SLC9A4: variants seen among roughly 807,000 people sequenced by gnomAD.
SLC9A4 encodes sodium/hydrogen exchanger 4.
A neutral mutation model predicts 67.4 loss-of-function variants in SLC9A4; 63 were observed. The observed-to-expected ratio is 0.93, with a 90% CI of 0.76 to 1.15. SLC9A4 has a LOEUF of 1.15. Among genes scored for constraint, SLC9A4 ranks in the 50% most tolerant of loss-of-function variants. SLC9A4 has a pLI of 0.00. For missense variants in SLC9A4, 1,089 were observed against 987.7 expected, an observed-to-expected ratio of 1.10 and a Z score of -1.38; for synonymous variants, 393 against 367.2, an observed-to-expected ratio of 1.07 and a Z score of -0.80.
In SLC9A4 at chr2:102,483,117, TA is replaced by T. The variant is rs551469088; in HGVS notation, c.720+3816del. ...CAGGATAAAATCATAATTTTCAAGC[TA>T]CCGGAGTATCTGCTGAGGACACTGC... is the stretch of plus-strand genomic sequence containing the variant. On this transcript the variant is annotated intron_variant, in intron 2 of 11. Coordinates refer to ENST00000295269, the MANE Select transcript of SLC9A4 (RefSeq NM_001011552.4). 2.7e-3 allele frequency among the ~76,000 whole-genome samples: 413 copies of T among 152,362 alleles called. 6 individuals are homozygous for T. Among genetic ancestry groups the T allele is most frequent in the African/African-American group, 9.0e-3 (374 of 41,588 alleles).
At chr2:102,482,956 C>T (rs1273843845) in intron 2 of SLC9A4, among the ~76,000 whole-genome samples, 1 of 152,206 alleles carries the variant, frequency 6.6e-6, no homozygotes, top group African/African-American at 2.4e-5. Flanking sequence ...TGACTTCCTC[C>T]TGAGTTGTCT....
chr2:102,482,936 C>T (rs924145888), intron 2 of SLC9A4, among the ~76,000 whole-genome samples: 1 of 152,194 alleles, frequency 6.6e-6, no homozygotes, highest in African/African-American at 2.4e-5. Context: ...CTTCCTCGAG[C>T]TTGAGAATCT....
rs1239366068 is a variant in SLC9A4, at chr2:102,514,123, A to C, written c.1593A>C (p.Lys531Asn). The C allele has an allele frequency of 1.2e-6, 2 of 1,612,932 alleles. No individual in the cohort carries two copies. Among genetic ancestry groups the C allele is most frequent in the East Asian group, 4.5e-5 (2 of 44,882 alleles). ...AGTTTGATCATAGATACTTACGGAA[A>C]ATCCTCATCAGAAAGAACCTACCCA... ...FKKFDHRYLR[K>N]ILIRKNLPKS... is the part of the protein sequence containing the mutation. The change falls in exon 8 of 12, where the codon AAA becomes AAC. Residue 531 changes from lysine to asparagine, a missense_variant. Lys to Asn is a moderately conservative substitution (Grantham distance 94, BLOSUM62 0). Transcript: ENST00000295269.
chr2:102,521,417 G>T (rs549859359), intron 9 of SLC9A4, among the ~76,000 whole-genome samples: 11 of 152,242 alleles, frequency 7.2e-5, no homozygotes, highest in Admixed American at 5.2e-4. Context: ...AAGCACAAAG[G>T]CCTCTTTCCA....
At chr2:102,528,608 T>C (rs930913380) in intron 11 of SLC9A4, among the ~76,000 whole-genome samples, 1 of 152,152 alleles carries the variant, frequency 6.6e-6, no homozygotes, top group African/African-American at 2.4e-5. Context: ...TGCATGCCTA[T>C]GGTAGCAGGA....
At chr2:102,525,841 T>A (rs1299124009) in intron 10 of SLC9A4, among the ~76,000 whole-genome samples, 1 of 152,114 alleles carries the variant, frequency 6.6e-6, no homozygotes, top group Non-Finnish European at 1.5e-5. Context: ...AAGCCAGTAA[T>A]CCAAACAAGA....
At chr2:102,485,464 C>T (rs1194818476) in intron 2 of SLC9A4, among the ~76,000 whole-genome samples, 1 of 152,192 alleles carries the variant, frequency 6.6e-6, no homozygotes, top group Non-Finnish European at 1.5e-5. Context: ...TCTCCTGATC[C>T]CTCATGCTAG....
chr2:102,505,122 A>G, intron 3 of SLC9A4, 132 bp from the exon 4 acceptor site: 1 of 784,310 alleles, frequency 1.3e-6, no homozygotes, highest in Non-Finnish European at 2.0e-6. Flanking sequence ...ATCTGCAGCC[A>G]CAGAAGGGAA....
At chr2:102,501,527 G>A (rs749651477) in intron 2 of SLC9A4, among the ~76,000 whole-genome samples, 3 of 152,108 alleles carry the variant, frequency 2.0e-5, no homozygotes, top group African/African-American at 7.2e-5. Context: ...TTACAGGCAT[G>A]AGCCACCACG....
At position 102,533,938 on chromosome 2, in the gene SLC9A4, A is replaced by G. The variant is rs368921234; in HGVS notation, c.*1250A>G. 3 of 151,508 alleles carry G rather than the reference A, an allele frequency of 2.0e-5. No individual in the cohort carries two copies. Among genetic ancestry groups the G allele is most frequent in the African/African-American group, 4.9e-5 (2 of 41,192 alleles). The allele number at this position is 151,508 out of a possible 1,614,324, so 9.4% of individuals were successfully genotyped here. A position where few individuals can be genotyped will look rare whatever the true frequency, so the allele number is the denominator to read the frequency against. ...TTCCAAGTCTTTGCTATTGTGAATAATGCCGCAATAAACATACGTGTGCAT... is the reference window on the plus strand; with the variant it reads ...TTCCAAGTCTTTGCTATTGTGAATAGTGCCGCAATAAACATACGTGTGCAT... On this transcript the variant is annotated 3_prime_UTR_variant, in exon 12 of 12. Transcript: ENST00000295269.
chr2:102,481,939 A>T (rs1284594509), intron 2 of SLC9A4, among the ~76,000 whole-genome samples: 1 of 152,150 alleles, frequency 6.6e-6, no homozygotes, highest in Admixed American at 6.5e-5. Flanking sequence ...CAGAGAGGAA[A>T]AGTCCCCCTT....
chr2:102,485,654 C>G (rs191672096), intron 2 of SLC9A4, among the ~76,000 whole-genome samples: 4 of 152,174 alleles, frequency 2.6e-5, no homozygotes, highest in African/African-American at 9.6e-5. Context: ...AGTGGAAGAA[C>G]GAATGCAGCA....
intron 5 of SLC9A4, 133 bp from the exon 6 acceptor site, chr2:102,508,714 C>T: frequency 1.6e-6 from 1 of 628,682 alleles, no homozygotes; most frequent in Non-Finnish European, 2.7e-6. Context: ...ATGAACATTG[C>T]AGCATTTACT....
At chr2:102,480,823 C>T (rs947052531) in intron 2 of SLC9A4, among the ~76,000 whole-genome samples, 5 of 152,160 alleles carry the variant, frequency 3.3e-5, no homozygotes, top group African/African-American at 4.8e-5. Flanking sequence ...AGACTGACAA[C>T]AGTTTATCAG....
rs545007091 is a variant in SLC9A4, at chr2:102,532,351, G to A, written c.2060G>A (p.Gly687Glu). ...CTAGATGATGACAGCAGTGATCCAG[G>A]ATCCCCATCCATCACGTTCAGCGCA... ...GFSDDDSSDP[G>E]SPSITFSACS... Residue 687 changes from glycine to glutamate, a missense_variant, in exon 12 of 12, where the codon GGA becomes GAA. Gly to Glu is a moderately conservative substitution (Grantham distance 98). Coordinates refer to ENST00000295269, the MANE Select transcript of SLC9A4 (RefSeq NM_001011552.4). 1.5e-5 allele frequency: 25 copies of A among 1,613,370 alleles called. No homozygotes were observed. The African/African-American group carries it at 2.5e-4, about 16-fold the overall frequency.
chr2:102,505,307 A>G lies in SLC9A4; in HGVS notation c.1034A>G (p.Gln345Arg), dbSNP rs774334370. The G allele has an allele frequency of 6.2e-7, 1 of 1,614,230 alleles. No homozygotes were observed. The highest frequency in any genetic ancestry group is 1.1e-5 in the South Asian group (1 of 91,088). ...AAGTACGTGGAAGAAAACGTGTCCC[A>G]GACATCATACACGACCATCAAGTAC... is the stretch of plus-strand genomic sequence containing the variant. ...MKKYVEENVS[Q>R]TSYTTIKYFM... is the part of the protein sequence containing the mutation. The change falls in exon 4 of 12, where the codon CAG becomes CGG. Residue 345 changes from glutamine (Q) to arginine (R), a missense_variant. By Grantham distance (43) the Gln-to-Arg change is conservative (BLOSUM62 1). Transcript: ENST00000295269.
intron 2 of SLC9A4, 55 bp downstream of exon 2, chr2:102,479,357 G>C: frequency 6.6e-7 from 1 of 1,519,660 alleles, no homozygotes; most frequent in African/African-American, 1.4e-5. Context: ...TCGGGGTGGG[G>C]CTGGGGACCG....
chr2:102,513,454 T>C (rs895508067), intron 7 of SLC9A4, among the ~76,000 whole-genome samples: 22 of 152,246 alleles, frequency 1.4e-4, no homozygotes, highest in Non-Finnish European at 2.8e-4. Flanking sequence ...ACCATATGCA[T>C]AGCGCAGCTC....
Position 102,473,418 on chromosome 2 carries a change from G to A in SLC9A4, c.-342G>A. The A allele has an allele frequency of 3.7e-6, 1 of 273,674 alleles. No homozygotes were observed. The highest frequency in any genetic ancestry group is 5.2e-5 in the South Asian group (1 of 19,140). The allele number at this position is 273,674 out of a possible 1,614,324, so 17.0% of individuals were successfully genotyped here. On this transcript the variant is annotated 5_prime_UTR_variant, in exon 1 of 12. Transcript: ENST00000295269. The stretch of plus-strand genomic sequence containing the variant: ...ACAAAGCCAGTATGCAGTGAAATGA[G>A]GAAATGCCTTTAAGTGAAGAGATTT...
Sources: allele counts gnomAD v4.1 joint callset (sites outside exome capture counted in the v4.1 genomes callset), GRCh38; gene constraint gnomAD v4.1.1; transcripts MANE v1.5; gene names NCBI Gene and HGNC (gene_info 2026-07-23, HGNC 2026-07-21).